The following CCDC146 variants were observed in gnomAD, a reference collection of about 807,000 sequenced individuals.
CCDC146 encodes the protein coiled-coil domain containing 146.
CCDC146 carries 92 observed loss-of-function variants against 119.3 expected under a neutral mutation model. The observed-to-expected ratio is 0.77, with a 90% CI of 0.65 to 0.92. The LOEUF (loss-of-function observed/expected upper bound fraction) is 0.92. CCDC146 is among the 40% of genes least tolerant of loss of function. The pLI, the probability that CCDC146 is intolerant of heterozygous loss-of-function variation, is 0.00. For missense variants in CCDC146, 1,000 were observed against 1,103.0 expected (o/e 0.91, Z 1.32); for synonymous variants, 372 against 371.8 (o/e 1.00, Z -0.01).
intron 2 of CCDC146, among the ~76,000 whole-genome samples, chr7:77,173,354 C>T (rs570235446): frequency 2.0e-3 from 309 of 152,230 alleles, no homozygotes; most frequent in African/African-American, 7.2e-3. Flanking sequence ...TGGGGCTGGG[C>T]GCAGTGGCTC....
chr7:77,162,928 T>C (rs1791284072), intron 1 of CCDC146, among the ~76,000 whole-genome samples: 1 of 152,194 alleles, frequency 6.6e-6, no homozygotes. Flanking sequence ...AACTCTGTTG[T>C]AGTGTCTTTT....
At chr7:77,199,563 C>T (rs375839514) in intron 2 of CCDC146, 1 of 1,614,014 alleles carries the variant, frequency 6.2e-7, no homozygotes, top group Non-Finnish European at 8.5e-7. Context: ...CTTTGAACAC[C>T]TCCTCGATCC....
intron 2 of CCDC146, among the ~76,000 whole-genome samples, chr7:77,178,932 C>G (rs1791540544): frequency 6.6e-6 from 1 of 151,820 alleles, no homozygotes; most frequent in South Asian, 2.1e-4. Context: ...CCTTTTTCAA[C>G]AAAAAATGTA....
chr7:77,226,765 A>C (rs996850303), intron 2 of CCDC146, among the ~76,000 whole-genome samples: 1 of 152,210 alleles, frequency 6.6e-6, no homozygotes, highest in Non-Finnish European at 1.5e-5. Context: ...AACATGACAA[A>C]CTTGAGTTCT....
chr7:77,263,666 G>A (rs1007942011), intron 9 of CCDC146, among the ~76,000 whole-genome samples: 1 of 152,360 alleles, frequency 6.6e-6, no homozygotes, highest in Non-Finnish European at 1.5e-5. Context: ...GCTGCTGCCT[G>A]TAATCCCAGC....
chr7:77,245,044 A>G (rs1014792839), intron 4 of CCDC146, among the ~76,000 whole-genome samples: 1 of 152,198 alleles, frequency 6.6e-6, no homozygotes, highest in African/African-American at 2.4e-5. Context: ...TACTCTAGAG[A>G]AAGGATTTTA....
chr7:77,166,166 G>A (rs1024752632), intron 1 of CCDC146, among the ~76,000 whole-genome samples: 6 of 152,088 alleles, frequency 3.9e-5, no homozygotes, highest in African/African-American at 1.4e-4. Context: ...GAAGTTACAG[G>A]AATTGTCAGA....
intron 2 of CCDC146, among the ~76,000 whole-genome samples, chr7:77,178,761 G>C (rs1279338105): frequency 6.6e-6 from 1 of 152,118 alleles, no homozygotes; most frequent in East Asian, 1.9e-4. Context: ...ATAAGTACTA[G>C]GAGAAAGAAT....
At chr7:77,287,669 T>G in intron 17 of CCDC146, 92 bp downstream of exon 17, 1 of 1,383,962 alleles carries the variant, frequency 7.2e-7, no homozygotes, top group Non-Finnish European at 9.9e-7. Context: ...AGAGAAGCAC[T>G]GGAGAGATTA....
intron 2 of CCDC146, among the ~76,000 whole-genome samples, chr7:77,177,912 C>T (rs185529186): frequency 1.2e-4 from 18 of 152,190 alleles, no homozygotes; most frequent in Admixed American, 1.2e-3. Context: ...TTCTATTGTT[C>T]CCATATTTTT....
intron 9 of CCDC146, among the ~76,000 whole-genome samples, chr7:77,269,729 T>G (rs1584130485): frequency 6.6e-6 from 1 of 152,200 alleles, no homozygotes; most frequent in Non-Finnish European, 1.5e-5. Flanking sequence ...AATATAAAAC[T>G]AACAGAAATT....
intron 9 of CCDC146, among the ~76,000 whole-genome samples, chr7:77,272,323 A>G (rs528131588): frequency 7.9e-5 from 12 of 152,326 alleles, no homozygotes; most frequent in African/African-American, 9.6e-5. Flanking sequence ...AGGAGACCCA[A>G]TGGAAAAGCA....
chr7:77,218,459 G>A (rs1301239188), intron 2 of CCDC146, among the ~76,000 whole-genome samples: 2 of 151,954 alleles, frequency 1.3e-5, no homozygotes, highest in East Asian at 3.9e-4. Context: ...GGCAGACTGT[G>A]CCCCTTTTTA....
chr7:77,270,380 A>T lies in CCDC146; in HGVS notation c.1174-3314A>T, dbSNP rs144257006. Among the ~76,000 whole-genome samples the T allele has an allele frequency of 2.0e-5, 3 of 151,750 alleles. No homozygotes were observed. In the East Asian group the frequency reaches 5.8e-4, roughly 29 times the overall value. On this transcript the variant is annotated intron_variant, in intron 9 of 18. Coordinates refer to ENST00000285871, the MANE Select transcript of CCDC146 (RefSeq NM_020879.3). Reference sequence around the variant, plus strand: ...GTTTGGTCACAATCACAATAAATACATTTTTAAATGTGAAATGCTACACTA... The same window carrying T: ...GTTTGGTCACAATCACAATAAATACTTTTTTAAATGTGAAATGCTACACTA...
At chr7:77,204,318 T>A (rs1792047072) in intron 2 of CCDC146, among the ~76,000 whole-genome samples, 1 of 152,194 alleles carries the variant, frequency 6.6e-6, no homozygotes. Flanking sequence ...ATAAATTTCA[T>A]GAAAAGAACT....
At chr7:77,220,454 T>C (rs1041503927) in intron 2 of CCDC146, among the ~76,000 whole-genome samples, 2 of 152,150 alleles carry the variant, frequency 1.3e-5, no homozygotes, top group Non-Finnish European at 2.9e-5. Flanking sequence ...TGAGGTGACA[T>C]ACATCCTCAG....
Position 77,258,976 on chromosome 7 carries a change from G to T in CCDC146, c.685-19G>T. ...AGCCGAAGACCGCATAATTTAACAT[G>T]ATTTCGTTTCTTTACTAGGATGAAG... On this transcript the variant is annotated intron_variant, in intron 6 of 18. Transcript: ENST00000285871. The T allele has an allele frequency of 6.4e-7, 1 of 1,571,320 alleles. No individual in the cohort carries two copies. The highest frequency in any genetic ancestry group is 8.7e-7 in the Non-Finnish European group (1 of 1,143,242).
chr7:77,275,468 T>C (rs1172652770), intron 11 of CCDC146, among the ~76,000 whole-genome samples: 1 of 152,214 alleles, frequency 6.6e-6, no homozygotes, highest in Non-Finnish European at 1.5e-5. Flanking sequence ...TCATTGATAA[T>C]GATCGGAGGA....
intron 2 of CCDC146, among the ~76,000 whole-genome samples, chr7:77,225,451 G>A (rs190918467): frequency 4.9e-4 from 75 of 152,138 alleles, no homozygotes; most frequent in African/African-American, 1.6e-3. Context: ...TACTTGGGAG[G>A]CTGAGGCAGG....
Sources: gnomAD v4.1 joint callset for allele counts (sites outside exome capture counted in the v4.1 genomes callset) on GRCh38, gnomAD v4.1.1 for gene constraint, MANE v1.5 for transcripts, NCBI Gene and HGNC (gene_info 2026-07-23, HGNC 2026-07-21) for gene names.